Variants in MAP7 observed in about 807,000 individuals in gnomAD.
MAP7 encodes the protein ensconsin.
MAP7 carries 52 observed loss-of-function variants against 94.8 expected under a neutral mutation model. That is an observed-to-expected ratio of 0.55 (90% CI 0.44 to 0.69). MAP7 has a LOEUF of 0.69. Ranked by LOEUF, MAP7 falls within the 30% of genes least tolerant of loss-of-function variation. The pLI, the probability that MAP7 is intolerant of heterozygous loss-of-function variation, is 0.00. For missense variants in MAP7, 940 were observed against 964.6 expected (o/e 0.97, Z 0.34); for synonymous variants, 350 against 357.0 (o/e 0.98, Z 0.22).
At chr6:136,397,907 A>C (rs1484408849) in intron 3 of MAP7, among the ~76,000 whole-genome samples, 1 of 152,214 alleles carries the variant, frequency 6.6e-6, no homozygotes, top group African/African-American at 2.4e-5. Context: ...TGTGATTAAT[A>C]TTAACCTTTA....
chr6:136,434,054 C>T (rs904196557), intron 1 of MAP7, among the ~76,000 whole-genome samples: 7 of 152,092 alleles, frequency 4.6e-5, no homozygotes, highest in Admixed American at 1.3e-4. Context: ...CACCTGTAAC[C>T]ACAGCACTTT....
chr6:136,396,986 C>T (rs1260085671), intron 3 of MAP7, among the ~76,000 whole-genome samples: 1 of 152,136 alleles, frequency 6.6e-6, no homozygotes, highest in African/African-American at 2.4e-5. Context: ...AGTTTTACCC[C>T]AAATAATCTT....
chr6:136,379,855 A>T (rs977782028), intron 6 of MAP7, among the ~76,000 whole-genome samples: 6 of 152,254 alleles, frequency 3.9e-5, no homozygotes. Flanking sequence ...ATATCTCCTG[A>T]TACTCTGAAC....
At chr6:136,387,552 G>A (rs990919698) in intron 5 of MAP7, among the ~76,000 whole-genome samples, 1 of 152,058 alleles carries the variant, frequency 6.6e-6, no homozygotes, top group Non-Finnish European at 1.5e-5. Context: ...AGCTATTGAT[G>A]CATCGGCCCT....
At chr6:136,400,666 C>G (rs1479472343) in intron 3 of MAP7, among the ~76,000 whole-genome samples, 2 of 152,086 alleles carry the variant, frequency 1.3e-5, no homozygotes, top group African/African-American at 4.8e-5. Context: ...AACTGAAGAT[C>G]AAATGAGGAA....
intron 1 of MAP7, among the ~76,000 whole-genome samples, chr6:136,494,622 C>A (rs1275861533): frequency 6.6e-6 from 1 of 152,132 alleles, no homozygotes; most frequent in Non-Finnish European, 1.5e-5. Context: ...TAACCATTAT[C>A]ATCTCTCATT....
chr6:136,456,803 A>AGAAGAAGAAG (rs1803171736), intron 1 of MAP7, among the ~76,000 whole-genome samples: 1 of 66,580 alleles, frequency 1.5e-5, no homozygotes, highest in Non-Finnish European at 3.5e-5. Flanking sequence ...AAGAAGAAGA[A>AGAAGAAGAAG]GAAGAAGAAG....
At chr6:136,475,407 T>C (rs1810538304) in intron 1 of MAP7, among the ~76,000 whole-genome samples, 1 of 152,230 alleles carries the variant, frequency 6.6e-6, no homozygotes, top group Admixed American at 6.5e-5. Context: ...TTTTGGAGAA[T>C]ATATTATCAT....
intron 2 of MAP7, 114 bp from the exon 3 acceptor site, chr6:136,411,811 C>T (rs1022394389): frequency 1.3e-6 from 1 of 774,832 alleles, no homozygotes; most frequent in East Asian, 2.7e-5. Context: ...TATATTGCTG[C>T]ACTTTACAAC....
chr6:136,506,223 T>C (rs1293916218), intron 1 of MAP7, among the ~76,000 whole-genome samples: 2 of 152,166 alleles, frequency 1.3e-5, no homozygotes, highest in Non-Finnish European at 2.9e-5. Flanking sequence ...GAGAATTGAA[T>C]ATACATAAGA....
chr6:136,419,093 G>A (rs1256720706), intron 2 of MAP7, among the ~76,000 whole-genome samples: 1 of 152,116 alleles, frequency 6.6e-6, no homozygotes, highest in Non-Finnish European at 1.5e-5. Context: ...AGATTTTTCT[G>A]GCTTCTGATC....
At chr6:136,350,291 A>G (rs920434777) in intron 16 of MAP7, among the ~76,000 whole-genome samples, 10 of 152,196 alleles carry the variant, frequency 6.6e-5, no homozygotes, top group Non-Finnish European at 1.2e-4. Context: ...AAAGTAGGGT[A>G]TTTAATAAAG....
chr6:136,505,267 G>GTA (rs1821053760), intron 1 of MAP7, among the ~76,000 whole-genome samples: 1 of 104,878 alleles, frequency 9.5e-6, no homozygotes, highest in African/African-American at 4.8e-5. Context: ...GTGTGTGTGT[G>GTA]TGTGTGTGTG....
chr6:136,455,500 A>G (rs1256885570), intron 1 of MAP7, among the ~76,000 whole-genome samples: 1 of 152,200 alleles, frequency 6.6e-6, no homozygotes, highest in Non-Finnish European at 1.5e-5. Flanking sequence ...AAAGACATAT[A>G]TAGAATATTT....
At chr6:136,513,133 C>A (rs986380889) in intron 1 of MAP7, among the ~76,000 whole-genome samples, 2 of 152,228 alleles carry the variant, frequency 1.3e-5, no homozygotes, top group African/African-American at 2.4e-5. Flanking sequence ...GCATGAGCCA[C>A]TGCACCCAGC....
intron 16 of MAP7, among the ~76,000 whole-genome samples, chr6:136,352,646 A>G (rs1353805143): frequency 6.6e-6 from 1 of 152,064 alleles, no homozygotes; most frequent in Non-Finnish European, 1.5e-5. Context: ...GTTTAAATCT[A>G]TGTTTTTTTC....
At chr6:136,545,758 A>ATTT (rs67108177) in intron 1 of MAP7, among the ~76,000 whole-genome samples, 2 of 151,656 alleles carry the variant, frequency 1.3e-5, no homozygotes, top group Admixed American at 6.6e-5. Flanking sequence ...ATTAAAACAA[A>ATTT]TTTAATTTTT....
Position 136,421,781 on chromosome 6 carries a change from A to G in MAP7, c.86T>C (p.Val29Ala), listed in dbSNP as rs1352459438. 1.2e-6 allele frequency: 2 copies of G among 1,612,366 alleles called. No individual in the cohort carries two copies. Among genetic ancestry groups the G allele is most frequent in the African/African-American group, 1.3e-5 (1 of 74,808 alleles). The change falls in exon 2 of 18, where the codon GTG becomes GCG. Residue 29 changes from valine (V) to alanine (A), a missense_variant. Physicochemically the swap from Val to Ala is moderately conservative, Grantham distance 64. Transcript: ENST00000354570. ...RSETAPDSYK[V>A]QDKKNASSRP... Reference sequence around the variant, plus strand: ...GCTGGAGGCATTTTTCTTATCTTGCACTTTGTAGCTGTCGGGTGCTACAGA... The same window carrying G: ...GCTGGAGGCATTTTTCTTATCTTGCGCTTTGTAGCTGTCGGGTGCTACAGA...
intron 1 of MAP7, among the ~76,000 whole-genome samples, chr6:136,487,155 T>G (rs567667856): frequency 1.3e-5 from 2 of 152,214 alleles, no homozygotes; most frequent in African/African-American, 2.4e-5. Context: ...AAAAGTATGT[T>G]TGAATCCTTA....
Sources: gnomAD v4.1 joint callset for allele counts (sites outside exome capture counted in the v4.1 genomes callset) on GRCh38, gnomAD v4.1.1 for gene constraint, MANE v1.5 for transcripts, NCBI Gene and HGNC (gene_info 2026-07-23, HGNC 2026-07-21) for gene names.